PCM1: variants seen among roughly 807,000 people sequenced by gnomAD.
PCM1 encodes the protein pericentriolar material 1.
A neutral mutation model predicts 241.9 loss-of-function variants in PCM1; 157 were observed. That is an observed-to-expected ratio of 0.65 (90% CI 0.57 to 0.74). The LOEUF (loss-of-function observed/expected upper bound fraction) is 0.74, where lower values mean the gene tolerates loss of function less well. PCM1 is among the 30% of genes least tolerant of loss of function. PCM1 has a pLI of 0.00. For missense variants in PCM1, 3,478 were observed against 2,360.1 expected, an observed-to-expected ratio of 1.47 and a Z score of -9.81; for synonymous variants, 1,085 against 784.9, an observed-to-expected ratio of 1.38 and a Z score of -6.39.
At chr8:17,939,036 T>A in intron 5 of PCM1, 27 bp downstream of exon 5, 2 of 1,608,744 alleles carry the variant, frequency 1.2e-6, no homozygotes, top group Non-Finnish European at 1.7e-6. Context: ...CTTTTGCTCA[T>A]TCTTTACACA....
rs1349722752 is a variant in PCM1, at chr8:18,006,305, G to C, written c.4870G>C (p.Val1624Leu). The C allele has an allele frequency of 6.2e-7, 1 of 1,612,460 alleles. No individual in the cohort carries two copies. The highest frequency in any genetic ancestry group is 2.2e-5 in the East Asian group (1 of 44,874). The stretch of plus-strand genomic sequence containing the variant: ...ATGCTCCTCGCAGCTTCTAACTTCA[G>C]TAAGGCGCATGGTTTTGACCCTTAC... ...EVCSSQLLTS[V>L]RRMVLTLTQQ... The change falls in exon 30 of 39, where the codon GTA becomes CTA. Residue 1624 changes from valine (V) to leucine (L), a missense_variant. Val to Leu is a conservative substitution (Grantham distance 32). Transcript: ENST00000325083.
chr8:17,957,855 T>C (rs1316648763), intron 13 of PCM1, 80 bp downstream of exon 13: 2 of 945,792 alleles, frequency 2.1e-6, no homozygotes, highest in Non-Finnish European at 3.2e-6. Context: ...ATAATTACTT[T>C]GGTTTAATTA....
chr8:17,945,303 G>C (rs1245308606), intron 6 of PCM1, among the ~76,000 whole-genome samples: 1 of 152,108 alleles, frequency 6.6e-6, no homozygotes, highest in Non-Finnish European at 1.5e-5. Context: ...TAGGATAGGA[G>C]AGAACTGAGT....
intron 1 of PCM1, among the ~76,000 whole-genome samples, chr8:17,924,387 A>C (rs1259846451): frequency 1.3e-5 from 2 of 152,218 alleles, no homozygotes; most frequent in East Asian, 3.8e-4. Context: ...AGTAACAGGA[A>C]GCTCGATCAA....
chr8:17,957,536 G>T lies in PCM1; in HGVS notation c.1805-4G>T, dbSNP rs2069166279. Reference sequence around the variant, plus strand: ...CTGGTTTTAATTATACATGTTTTCAGCAGATTGTCGATATAATAGAGAAGG... The same window carrying T: ...CTGGTTTTAATTATACATGTTTTCATCAGATTGTCGATATAATAGAGAAGG... On this transcript the variant is annotated splice_region_variant and splice_polypyrimidine_tract_variant and intron_variant, in intron 12 of 38. Coordinates refer to ENST00000325083, the MANE Select transcript of PCM1 (RefSeq NM_006197.4). 6.3e-7 allele frequency: 1 copy of T among 1,591,044 alleles called. No individual in the cohort carries two copies. The highest frequency in any genetic ancestry group is 8.6e-7 in the Non-Finnish European group (1 of 1,166,514).
chr8:17,923,415 C>T (rs1427531905), intron 1 of PCM1, among the ~76,000 whole-genome samples: 1 of 152,164 alleles, frequency 6.6e-6, no homozygotes, highest in East Asian at 1.9e-4. Flanking sequence ...CCTCGCGACG[C>T]GTTGGTGATT....
At chr8:17,939,244 A>T (rs2061332464) in intron 5 of PCM1, among the ~76,000 whole-genome samples, 1 of 152,210 alleles carries the variant, frequency 6.6e-6, no homozygotes, top group Admixed American at 6.5e-5. Context: ...TTTATTTACA[A>T]AATAGCATAT....
At chr8:17,937,985 ATATC>A (rs1440788929) in intron 4 of PCM1, among the ~76,000 whole-genome samples, 1 of 152,148 alleles carries the variant, frequency 6.6e-6, no homozygotes, top group African/African-American at 2.4e-5. Context: ...ACTTAACTGT[ATATC>A]AGGCACTGAG....
At chr8:17,988,551 C>G (rs1427364474) in intron 26 of PCM1, among the ~76,000 whole-genome samples, 2 of 151,764 alleles carry the variant, frequency 1.3e-5, no homozygotes, top group African/African-American at 4.8e-5. Flanking sequence ...AGAAATTAGA[C>G]TTAACAAAAA....
At chr8:17,980,849 A>C in intron 24 of PCM1, 94 bp downstream of exon 24, 1 of 870,904 alleles carries the variant, frequency 1.1e-6, no homozygotes, top group Non-Finnish European at 1.7e-6. Flanking sequence ...GGTGTTTCAC[A>C]CGTATCTATC....
intron 6 of PCM1, among the ~76,000 whole-genome samples, chr8:17,942,898 G>A (rs1226887504): frequency 6.6e-6 from 1 of 151,842 alleles, no homozygotes; most frequent in Non-Finnish European, 1.5e-5. Flanking sequence ...TCAGGAGGCT[G>A]AGGCAGGAGA....
chr8:17,964,426 G>A (rs1243642618), intron 17 of PCM1, 142 bp from the exon 18 acceptor site: 11 of 602,788 alleles, frequency 1.8e-5, no homozygotes, highest in East Asian at 8.3e-5. Context: ...AGTGCCACCC[G>A]TAGCATAGTT....
intron 6 of PCM1, among the ~76,000 whole-genome samples, chr8:17,945,810 C>G (rs1401989023): frequency 6.6e-6 from 1 of 151,786 alleles, no homozygotes; most frequent in Non-Finnish European, 1.5e-5. Flanking sequence ...CAAAAGAAAT[C>G]TTTGAACTTC....
intron 29 of PCM1, among the ~76,000 whole-genome samples, chr8:17,996,774 C>G (rs910491740): frequency 2.6e-5 from 4 of 152,160 alleles, no homozygotes; most frequent in African/African-American, 9.6e-5. Flanking sequence ...ATTGCATAAA[C>G]AAACAAGCAA....
At chr8:18,012,064 C>T (rs944730395) in intron 34 of PCM1, among the ~76,000 whole-genome samples, 13 of 152,264 alleles carry the variant, frequency 8.5e-5, no homozygotes, top group Admixed American at 8.5e-4. Context: ...AATTGTAGCT[C>T]ATTGCTCATA....
At chr8:17,995,401 C>T (rs1454234787) in intron 29 of PCM1, among the ~76,000 whole-genome samples, 1 of 151,206 alleles carries the variant, frequency 6.6e-6, no homozygotes, top group Admixed American at 6.6e-5. Flanking sequence ...TCTGGGTTCT[C>T]TGTTCTGTTC....
chr8:17,939,598 A>G, intron 5 of PCM1, 93 bp from the exon 6 acceptor site: 1 of 614,064 alleles, frequency 1.6e-6, no homozygotes, highest in Non-Finnish European at 2.5e-6. Context: ...TCGAAATAAA[A>G]ATTTGTAAAA....
intron 24 of PCM1, chr8:17,982,450 A>G (rs989613758): frequency 3.3e-5 from 5 of 152,112 alleles, no homozygotes; most frequent in African/African-American, 4.8e-5. Context: ...ATGTTTGAAT[A>G]TATAAATATA....
chr8:18,026,165 G>GAAA (rs1588876179), intron 38 of PCM1, among the ~76,000 whole-genome samples: 97 of 3,572 alleles, frequency 0.027, 46 homozygotes, highest in East Asian at 0.066. Context: ...CTCCCTCTCT[G>GAAA]AAACAAAAAA....
Sources: allele counts gnomAD v4.1 joint callset (sites outside exome capture counted in the v4.1 genomes callset), GRCh38; gene constraint gnomAD v4.1.1; transcripts MANE v1.5; gene names NCBI Gene and HGNC (gene_info 2026-07-23, HGNC 2026-07-21).